Variants in FUT8 observed in about 807,000 individuals in gnomAD.
The protein encoded by FUT8 is fucosyltransferase 8.
FUT8 carries 29 observed loss-of-function variants against 71.3 expected under a neutral mutation model. The ratio of observed to expected loss-of-function variants is 0.41; its 90% CI spans 0.30 to 0.55. The LOEUF (loss-of-function observed/expected upper bound fraction) is 0.55, where lower values mean the gene tolerates loss of function less well. FUT8 is among the 20% of genes least tolerant of loss of function. The pLI, the probability that FUT8 is intolerant of heterozygous loss-of-function variation, is 0.34. For missense variants in FUT8, 544 were observed against 702.1 expected, an observed-to-expected ratio of 0.77 and a Z score of 2.55; for synonymous variants, 254 against 239.3, an observed-to-expected ratio of 1.06 and a Z score of -0.57.
chr14:65,441,977 G>A (rs2065665710), intron 1 of FUT8, among the ~76,000 whole-genome samples: 1 of 151,910 alleles, frequency 6.6e-6, no homozygotes. Flanking sequence ...GCCCCGGTGT[G>A]TGATGTTCCC....
In FUT8 at chr14:65,643,685, C is replaced by CACACACACACAT. The variant is rs1890970771; in HGVS notation, c.597+14090_597+14091insTACACACACACA. On this transcript the variant is annotated intron_variant, in intron 6 of 10. Transcript: ENST00000673929. This position sits in a 1 kb window ranked among gnomAD's most constrained non-coding sequence, Gnocchi z 4.5. ...AAAAATACACACACACACACACACACACACACACACACACACACACACACA... is the reference window on the plus strand; with the variant it reads ...AAAAATACACACACACACACACACACACACACACACATACACACACACACACACACACACACA... Among the ~76,000 whole-genome samples the CACACACACACAT allele has an allele frequency of 6.9e-6, 1 of 144,126 alleles. No homozygotes were observed. The highest frequency in any genetic ancestry group is 1.5e-5 in the Non-Finnish European group (1 of 67,010). 94.6% of individuals were successfully genotyped at this position (144,126 alleles called of 152,430 possible). A position where few individuals can be genotyped will look rare whatever the true frequency, so the allele number is the denominator to read the frequency against.
At chr14:65,478,692 T>C (rs2066284328) in intron 2 of FUT8, among the ~76,000 whole-genome samples, 1 of 152,156 alleles carries the variant, frequency 6.6e-6, no homozygotes, top group Admixed American at 6.5e-5. Context: ...GGAAACTAGA[T>C]ATTTTGCCAA....
At chr14:65,393,871 C>A in the FUT8 span, among the ~76,000 whole-genome samples, 3 of 152,164 alleles carry the variant, frequency 2.0e-5, no homozygotes, top group East Asian at 3.9e-4. Context: ...GGAGGCCTTA[C>A]AATCATGGCA....
At chr14:65,372,515 A>G in the FUT8 span, among the ~76,000 whole-genome samples, 1 of 151,548 alleles carries the variant, frequency 6.6e-6, no homozygotes, top group Non-Finnish European at 1.5e-5. Flanking sequence ...TCCCGGGTTC[A>G]AGTGATTCTC....
intron 2 of FUT8, among the ~76,000 whole-genome samples, chr14:65,540,334 G>T (rs1280184675): frequency 6.6e-6 from 1 of 152,004 alleles, no homozygotes; most frequent in Non-Finnish European, 1.5e-5. Context: ...TTAAATTCTG[G>T]CAAAAAAGAG....
chr14:65,465,540 T>C (rs891382239), intron 2 of FUT8, among the ~76,000 whole-genome samples: 7 of 152,260 alleles, frequency 4.6e-5, no homozygotes, highest in South Asian at 2.1e-4. Context: ...AAGACTATTT[T>C]TTTGATCTAC....
intron 1 of FUT8, among the ~76,000 whole-genome samples, chr14:65,428,694 A>G (rs1260273847): frequency 3.3e-5 from 5 of 152,090 alleles, no homozygotes; most frequent in African/African-American, 9.7e-5. Context: ...GAGGATGGGG[A>G]TAATCTTAAA....
At position 65,483,680 on chromosome 14, in the gene FUT8, A is replaced by G. The variant is rs1018726869; in HGVS notation, c.-228+27962A>G. On this transcript the variant is annotated intron_variant, in intron 2 of 10. Coordinates refer to ENST00000673929, the MANE Select transcript of FUT8 (RefSeq NM_001371533.1). This position sits in a 1 kb window ranked among gnomAD's most constrained non-coding sequence, Gnocchi z 4.4. ...TATTAGGTTGATCTTTAAGTATTTT[A>G]TATTTTTTGATGCTTTTATAAATAT... 1.3e-5 allele frequency among the ~76,000 whole-genome samples: 2 copies of G among 151,922 alleles called. No homozygotes were observed. The highest frequency in any genetic ancestry group is 2.4e-5 in the African/African-American group (1 of 41,364).
rs779844967 is a variant in FUT8, at chr14:65,742,338, A to T, written c.1656A>T (p.Leu552=). The stretch of plus-strand genomic sequence containing the variant: ...ACAGGAAATTGGGAAGGACGGGCCT[A>T]TATCCCTCCTACAAAGTTCGAGAGA... ...GVNRKLGRTG[L]YPSYKVREKI... The change falls in exon 11 of 11, where the codon CTA becomes CTT. Residue 552 remains leucine (L), a synonymous_variant. Transcript: ENST00000673929. 1.2e-6 allele frequency: 2 copies of T among 1,612,870 alleles called. No homozygotes were observed. The highest frequency in any genetic ancestry group is 1.7e-6 in the Non-Finnish European group (2 of 1,179,254).
chr14:65,584,400 G>A (rs143349141), intron 3 of FUT8, among the ~76,000 whole-genome samples: 1,825 of 152,106 alleles, frequency 0.012, 15 homozygotes, highest in South Asian at 0.024. Flanking sequence ...GGCTGGTCTC[G>A]AACTCCTGAC....
the FUT8 span, among the ~76,000 whole-genome samples, chr14:65,374,615 G>C: frequency 7.2e-6 from 1 of 138,618 alleles, no homozygotes; most frequent in Non-Finnish European, 1.5e-5. Context: ...TTTTTTTTTT[G>C]ATGGAGTCTT....
chr14:65,626,029 A>G (rs913856043), intron 5 of FUT8, among the ~76,000 whole-genome samples: 5 of 152,164 alleles, frequency 3.3e-5, no homozygotes, highest in Non-Finnish European at 7.4e-5. Flanking sequence ...ATTCCTTCTC[A>G]TTGATCAATC....
At chr14:65,727,253 G>C (rs1248422271) in intron 9 of FUT8, among the ~76,000 whole-genome samples, 1 of 152,154 alleles carries the variant, frequency 6.6e-6, no homozygotes, top group East Asian at 1.9e-4. Flanking sequence ...GACTCTGTGT[G>C]GGGGCTCTGA....
At chr14:65,596,457 A>G (rs1015194116) in intron 3 of FUT8, among the ~76,000 whole-genome samples, 1 of 152,214 alleles carries the variant, frequency 6.6e-6, no homozygotes, top group Non-Finnish European at 1.5e-5. Context: ...TATAGCAGTT[A>G]TCCAAACCAT....
At chr14:65,466,207 G>T (rs1316084331) in intron 2 of FUT8, among the ~76,000 whole-genome samples, 1 of 151,982 alleles carries the variant, frequency 6.6e-6, no homozygotes, top group Non-Finnish European at 1.5e-5. Context: ...CATATAGTAG[G>T]GTCTTGTCGT....
chr14:65,669,191 T>G lies in FUT8; in HGVS notation c.598-52T>G. ...AAGATTAAAAAAAAAAAAGAGCAGT[T>G]GACCTCTCTGTACAACTTATCTTTA... On this transcript the variant is annotated intron_variant, in intron 6 of 10. Transcript: ENST00000673929. The surrounding 1 kb of genome is among the most constrained non-coding windows in gnomAD (Gnocchi z 4.5). 4 of 1,361,764 alleles carry G rather than the reference T, an allele frequency of 2.9e-6. No individual in the cohort carries two copies. The highest frequency in any genetic ancestry group is 1.0e-6 in the Non-Finnish European group (1 of 978,870). The allele number at this position is 1,361,764 out of a possible 1,614,324, so 84.4% of individuals were successfully genotyped here.
chr14:65,411,984 G>C (rs1333881133), upstream of FUT8: 1 of 455,932 alleles, frequency 2.2e-6, no homozygotes, highest in South Asian at 1.6e-5. Flanking sequence ...AATTTTCCGA[G>C]TCCGAGCGGG....
At chr14:65,387,605 C>A in the FUT8 span, among the ~76,000 whole-genome samples, 1 of 152,184 alleles carries the variant, frequency 6.6e-6, no homozygotes, top group Non-Finnish European at 1.5e-5. Context: ...AAATTCAGGA[C>A]TCCGCCTCTC....
intron 2 of FUT8, among the ~76,000 whole-genome samples, chr14:65,496,875 G>A (rs187846560): frequency 6.6e-6 from 1 of 152,194 alleles, no homozygotes; most frequent in East Asian, 1.9e-4. Flanking sequence ...AGATTAAAGA[G>A]TTCAGGTTTT....
Sources: allele counts gnomAD v4.1 joint callset (sites outside exome capture counted in the v4.1 genomes callset), GRCh38; gene constraint gnomAD v4.1.1; non-coding constraint Gnocchi (gnomAD v3.1); transcripts MANE v1.5; gene names NCBI Gene and HGNC (gene_info 2026-07-23, HGNC 2026-07-21).